Variants in AKAP7 observed in about 807,000 individuals in gnomAD.
AKAP7 encodes the protein A-kinase anchoring protein 7.
In AKAP7, 39 loss-of-function variants were observed where a neutral mutation model predicts 39.5. That is an observed-to-expected ratio of 0.99 (90% CI 0.76 to 1.29). The LOEUF (loss-of-function observed/expected upper bound fraction) is 1.29. AKAP7 is among the 50% of genes most tolerant of loss of function. AKAP7 has a pLI of 0.00. For synonymous variants in AKAP7, 140 were observed against 139.1 expected (o/e 1.01, Z -0.05); for missense variants, 414 against 407.7 (o/e 1.02, Z -0.13).
In AKAP7 at chr6:131,135,545, CGGGGG is replaced by C; in HGVS notation, c.-218_-214del. The C allele has an allele frequency of 5.2e-6, 1 of 193,616 alleles. No individual in the cohort carries two copies. Among genetic ancestry groups the C allele is most frequent in the Non-Finnish European group, 9.5e-6 (1 of 105,556 alleles). The allele number at this position is 193,616 out of a possible 1,614,324, so 12.0% of individuals were successfully genotyped here. A position where few individuals can be genotyped will look rare whatever the true frequency, so the allele number is the denominator to read the frequency against. On this transcript the variant is annotated 5_prime_UTR_variant, in exon 1 of 8. Coordinates refer to ENST00000431975, the MANE Select transcript of AKAP7 (RefSeq NM_016377.4). ...GCCGCCGCCGCTGCTGCCGCTGCCG[CGGGGG>C]CTGCGGCTTGGGAAGCTCCGCGCTT... is the stretch of plus-strand genomic sequence containing the variant.
chr6:131,245,856 T>C (rs1224273334), intron 7 of AKAP7, among the ~76,000 whole-genome samples: 1 of 152,132 alleles, frequency 6.6e-6, no homozygotes, highest in Non-Finnish European at 1.5e-5. Context: ...AATGTCCTCT[T>C]TTCTCTCCTC....
chr6:131,156,570 T>A (rs988053401), intron 2 of AKAP7, among the ~76,000 whole-genome samples: 4 of 151,802 alleles, frequency 2.6e-5, no homozygotes, highest in African/African-American at 4.8e-5. Context: ...GCCCCAGGAG[T>A]TCGAGGTTAC....
chr6:131,128,053 A>T, the AKAP7 span, among the ~76,000 whole-genome samples: 169 of 152,262 alleles, frequency 1.1e-3, no homozygotes, highest in African/African-American at 4.0e-3. Flanking sequence ...CAGGGAGAGG[A>T]TCGGAAAAAG....
intron 6 of AKAP7, among the ~76,000 whole-genome samples, chr6:131,206,239 C>T (rs902299322): frequency 1.3e-5 from 2 of 152,160 alleles, no homozygotes; most frequent in Admixed American, 6.5e-5. Flanking sequence ...TGATTTATGA[C>T]TCTTTCAAAT....
chr6:131,139,716 A>T (rs566236797), intron 1 of AKAP7, among the ~76,000 whole-genome samples: 1 of 152,348 alleles, frequency 6.6e-6, no homozygotes, highest in South Asian at 2.1e-4. Context: ...TTGTGAGCTG[A>T]ACTCAGTGCT....
At chr6:131,213,827 C>G (rs764907107) in intron 6 of AKAP7, among the ~76,000 whole-genome samples, 1 of 152,144 alleles carries the variant, frequency 6.6e-6, no homozygotes, top group Non-Finnish European at 1.5e-5. Flanking sequence ...AATGAGCTTA[C>G]GTGGGAACAG....
In AKAP7 at chr6:131,199,482, A is replaced by T; in HGVS notation, c.611A>T (p.Gln204Leu). The change falls in exon 6 of 8, where the codon CAA (glutamine) becomes CTA (leucine). Residue 204 changes from glutamine to leucine, a missense_variant. Transcript: ENST00000431975. ...EIAETANRTFQEKGILVGESR... is the reference protein window; with the variant it reads ...EIAETANRTFLEKGILVGESR... ...TCAGAGACTGCAAATAGGACATTTCAAGAAAAAGGCATCCTGGTAGGAGAG... is the reference window on the plus strand; with the variant it reads ...TCAGAGACTGCAAATAGGACATTTCTAGAAAAAGGCATCCTGGTAGGAGAG... The T allele has an allele frequency of 6.2e-7, 1 of 1,606,088 alleles. No homozygotes were observed. The highest frequency in any genetic ancestry group is 8.5e-7 in the Non-Finnish European group (1 of 1,173,784).
chr6:131,268,645 A>G (rs1344280642), intron 7 of AKAP7, among the ~76,000 whole-genome samples: 3 of 152,216 alleles, frequency 2.0e-5, no homozygotes, highest in African/African-American at 4.8e-5. Flanking sequence ...TATTCTGCCG[A>G]CGTACATCGG....
At chr6:131,128,775 TC>T in the AKAP7 span, among the ~76,000 whole-genome samples, 2 of 142,504 alleles carry the variant, frequency 1.4e-5, no homozygotes, top group African/African-American at 5.4e-5. Flanking sequence ...TGAGCTGAGA[TC>T]ATGCCATTGC....
Position 131,282,579 on chromosome 6 carries a change from T to C in AKAP7, c.*853T>C, listed in dbSNP as rs781190312. 2.1e-5 allele frequency: 32 copies of C among 1,535,726 alleles called. No individual in the cohort carries two copies. The highest frequency in any genetic ancestry group is 2.0e-4 in the Admixed American group (10 of 50,984). On this transcript the variant is annotated 3_prime_UTR_variant, in exon 8 of 8. Transcript: ENST00000431975. Reference sequence around the variant, plus strand: ...AACAACAGTAATTCAGCAAATGACGTTGATTTCAGCACAACTTTGACATAA... The same window carrying C: ...AACAACAGTAATTCAGCAAATGACGCTGATTTCAGCACAACTTTGACATAA...
At chr6:131,184,578 G>A (rs1233064185) in intron 5 of AKAP7, 1 of 728,744 alleles carries the variant, frequency 1.4e-6, no homozygotes, top group African/African-American at 1.7e-5. Context: ...GGGTGAAATG[G>A]AGGCAAGATG....
intron 7 of AKAP7, among the ~76,000 whole-genome samples, chr6:131,228,272 C>T (rs1028138191): frequency 3.9e-5 from 6 of 152,134 alleles, no homozygotes; most frequent in Non-Finnish European, 5.9e-5. Flanking sequence ...TTCTAGAATC[C>T]TTAAACCTGG....
At chr6:131,166,377 G>A (rs1292440585) in intron 4 of AKAP7, among the ~76,000 whole-genome samples, 2 of 152,016 alleles carry the variant, frequency 1.3e-5, no homozygotes, top group East Asian at 3.8e-4. Context: ...GTGTGTGTTA[G>A]AATGGTCAGG....
rs143480127 is a variant in AKAP7, at chr6:131,169,407, C to A, written c.589+134C>A. 8.1e-4 allele frequency: 788 copies of A among 973,026 alleles called. 5 individuals carry two copies. The African/African-American group carries it at 0.012, about 15-fold the overall frequency. The allele number at this position is 973,026 out of a possible 1,614,324, so 60.3% of individuals were successfully genotyped here. A position where few individuals can be genotyped will look rare whatever the true frequency, so the allele number is the denominator to read the frequency against. On this transcript the variant is annotated intron_variant, in intron 5 of 7. Transcript: ENST00000431975. ...ACTCAAGTATTTTTTAGGACTGTCC[C>A]AATCATAAGTCTGAAGGATTTCAGT...
chr6:131,235,436 G>A (rs1484480326), intron 7 of AKAP7, among the ~76,000 whole-genome samples: 4 of 152,200 alleles, frequency 2.6e-5, no homozygotes, highest in South Asian at 4.1e-4. Context: ...TAATGGGATG[G>A]CTGGGTCAAA....
Position 131,241,947 on chromosome 6 carries a change from G to A in AKAP7, c.850+22139G>A, listed in dbSNP as rs191040693. 161 of 704,714 alleles carry A rather than the reference G, an allele frequency of 2.3e-4. 1 individual carries two copies. In the African/African-American group the frequency reaches 3.1e-3, roughly 13 times the overall value. The allele number at this position is 704,714 out of a possible 1,614,324, so 43.7% of individuals were successfully genotyped here. On this transcript the variant is annotated intron_variant, in intron 7 of 7. Transcript: ENST00000431975. ...ATCTTCTACAGAGAAACTTGCTCTG[G>A]TAGAAATGAAGATAATGAGGGCTAA...
chr6:131,140,702 A>G (rs1800961131), intron 1 of AKAP7, among the ~76,000 whole-genome samples: 1 of 152,186 alleles, frequency 6.6e-6, no homozygotes, highest in African/African-American at 2.4e-5. Context: ...TCTGATTTTC[A>G]TTCAGCCTTG....
At chr6:131,172,047 T>A in intron 5 of AKAP7, among the ~76,000 whole-genome samples, 1 of 152,144 alleles carries the variant, frequency 6.6e-6, no homozygotes, top group South Asian at 2.1e-4. Context: ...ATAGAGAGTA[T>A]GAAGAAACTT....
intron 7 of AKAP7, among the ~76,000 whole-genome samples, chr6:131,278,114 C>T (rs1212138960): frequency 6.6e-6 from 1 of 152,118 alleles, no homozygotes; most frequent in African/African-American, 2.4e-5. Context: ...GTCATCAATT[C>T]ACTTGACTAA....
Sources: allele counts gnomAD v4.1 joint callset (sites outside exome capture counted in the v4.1 genomes callset), GRCh38; gene constraint gnomAD v4.1.1; transcripts MANE v1.5; gene names NCBI Gene and HGNC (gene_info 2026-07-23, HGNC 2026-07-21).